SLC7A10: variants seen among roughly 807,000 people sequenced by gnomAD.
SLC7A10 encodes solute carrier family 7 member 10, also known as asc-type amino acid transporter 1.
Under a neutral mutation model 52.7 loss-of-function variants are expected in SLC7A10, and 30 were observed. The ratio of observed to expected loss-of-function variants is 0.57; its 90% confidence interval spans 0.43 to 0.77. The LOEUF is 0.77. Ranked by LOEUF, SLC7A10 falls within the 30% of genes least tolerant of loss-of-function variation. The pLI, the probability that SLC7A10 is intolerant of heterozygous loss-of-function variation, is 0.00. For synonymous variants in SLC7A10, 318 were observed against 314.9 expected, an observed-to-expected ratio of 1.01 and a Z score of -0.10; for missense variants, 581 against 698.5, an observed-to-expected ratio of 0.83 and a Z score of 1.90.
chr19:33,215,892 A>G lies in SLC7A10; in HGVS notation c.233T>C (p.Val78Ala), dbSNP rs749136747. 1 of 1,611,102 alleles carries G rather than the reference A, an allele frequency of 6.2e-7. No individual in the cohort carries two copies. The highest frequency in any genetic ancestry group is 8.5e-7 in the Non-Finnish European group (1 of 1,178,962). Residue 78 changes from valine to alanine, a missense_variant, in exon 2 of 11, where the codon GTC (valine) becomes GCC (alanine). By Grantham distance (64) the Val-to-Ala change is moderately conservative (BLOSUM62 0). Coordinates refer to ENST00000253188, the MANE Select transcript of SLC7A10 (RefSeq NM_019849.3). Reference protein sequence around the residue: ...HSGSVGLALFVWVLGGGVTAL... With the variant: ...HSGSVGLALFAWVLGGGVTAL... ...CGTCACGCCCCCACCCAGGACCCAG[A>G]CGAACAGGGCCAGACCCACGGAGCC...
chr19:33,225,567 C>T lies in SLC7A10; in HGVS notation c.137G>A (p.Cys46Tyr), dbSNP rs780308598. 6.3e-7 allele frequency: 1 copy of T among 1,596,590 alleles called. No homozygotes were observed. Residue 46 changes from cysteine (C) to tyrosine (Y), a missense_variant, in exon 1 of 11, where the codon TGC becomes TAC. Physicochemically the swap from Cys to Tyr is radical, Grantham distance 194. Coordinates refer to ENST00000253188, the MANE Select transcript of SLC7A10 (RefSeq NM_019849.3). ...LKKEIGLLSA[C>Y]TIIIGNIIGS... ...GTCCCGCTCACCGATGATGATGGTG[C>T]AGGCGCTCAGCAGCCCGATCTCCTT...
chr19:33,223,943 T>TCACCACCACCACCACCACCAC, intron 1 of SLC7A10, among the ~76,000 whole-genome samples: 1 of 147,224 alleles, frequency 6.8e-6, no homozygotes, highest in South Asian at 2.2e-4. Flanking sequence ...ACCTCTACCA[T>TCACCACCACCACCACCACCAC]CACCACCACC....
At chr19:33,218,111 A>T (rs1974728625) in intron 1 of SLC7A10, among the ~76,000 whole-genome samples, 1 of 152,046 alleles carries the variant, frequency 6.6e-6, no homozygotes, top group Non-Finnish European at 1.5e-5. Flanking sequence ...CCTTGGAAGG[A>T]GCTGAGCATG....
At chr19:33,211,352 C>G (rs1199453322) in intron 6 of SLC7A10, 24 bp from the exon 7 acceptor site, 1 of 1,613,684 alleles carries the variant, frequency 6.2e-7, no homozygotes, top group Admixed American at 1.7e-5. Context: ...GTAGAGAGGC[C>G]ATGTGTAAGG....
Position 33,209,026 on chromosome 19 carries a change from G to A in SLC7A10, c.1442-5C>T, listed in dbSNP as rs766048217. ...GGCCCCAGTGTGTCATGGACTCTGA[G>A]GACAGACAGATGGACCTTGGGGCCT... On this transcript the variant is annotated splice_polypyrimidine_tract_variant and splice_region_variant and intron_variant, in intron 10 of 10. Transcript: ENST00000253188. The A allele has an allele frequency of 6.8e-6, 11 of 1,613,614 alleles. No homozygotes were observed. The highest frequency in any genetic ancestry group is 1.7e-4 in the Middle Eastern group (1 of 5,968).
rs1304311242 is a variant in SLC7A10 at position 33,215,630 on chromosome 19, AC to A, written c.356+138del. 787 of 289,034 alleles carry A rather than the reference AC, an allele frequency of 2.7e-3. 15 individuals carry two copies. The highest frequency in any genetic ancestry group is 3.2e-3 in the Non-Finnish European group (672 of 210,494). The allele number at this position is 289,034 out of a possible 1,614,324, so 17.9% of individuals were successfully genotyped here. On this transcript the variant is annotated intron_variant, in intron 2 of 10. Transcript: ENST00000253188. ...CAGCCCCCACACCTTCTCTCCATCC[AC>A]CCCCCACACCTTCTCTCCATCCACC...
chr19:33,212,123 G>T, intron 5 of SLC7A10, 169 bp downstream of exon 5: 1 of 931,332 alleles, frequency 1.1e-6, no homozygotes. Context: ...GGCCAGGCTA[G>T]AATGCAAGCC....
At chr19:33,225,139 C>G (rs930697745) in intron 1 of SLC7A10, among the ~76,000 whole-genome samples, 1 of 152,254 alleles carries the variant, frequency 6.6e-6, no homozygotes, top group Non-Finnish European at 1.5e-5. Flanking sequence ...CAGACTGACC[C>G]ACAGTACAGA....
intron 2 of SLC7A10, 61 bp downstream of exon 2, chr19:33,215,708 C>G: frequency 6.6e-7 from 1 of 1,512,318 alleles, no homozygotes; most frequent in Non-Finnish European, 8.9e-7. Flanking sequence ...GATGCCAGGG[C>G]TCATTTGGCC....
rs35390810 is a variant in SLC7A10 at position 33,215,778 on chromosome 19, C to A, written c.347G>T (p.Gly116Val). 2 of 1,556,042 alleles carry A rather than the reference C, an allele frequency of 1.3e-6. No homozygotes were observed. Among genetic ancestry groups the A allele is most frequent in the Admixed American group, 1.9e-5 (1 of 51,590 alleles). The change falls in exon 2 of 11, where the codon GGC becomes GTC. Residue 116 changes from glycine (G) to valine (V), a missense_variant. Coordinates refer to ENST00000253188, the MANE Select transcript of SLC7A10 (RefSeq NM_019849.3). ...DYAYVTEIFGGLAGFLLLWSA... is the reference protein window; with the variant it reads ...DYAYVTEIFGVLAGFLLLWSA... ...GGTGCCCCACACTCACCCAGCCAGG[C>A]CCCCGAAGATCTCTGTGACGTAGGC...
rs1235028683 is a variant in SLC7A10 at position 33,209,465 on chromosome 19, C to A, written c.1284G>T (p.Val428=). The A allele has an allele frequency of 6.2e-7, 1 of 1,613,822 alleles. No individual in the cohort carries two copies. The highest frequency in any genetic ancestry group is 1.7e-5 in the Admixed American group (1 of 60,004). ...RPIKVNLLIP[V]AYLVFWAFLL... ...GGAAGGCCCAGAAGACCAAGTACGC[C>A]ACGGGGATGAGAAGGTTCACCTGGG... Residue 428 remains valine, a synonymous_variant, in exon 10 of 11, where the codon GTG becomes GTT. Coordinates refer to ENST00000253188, the MANE Select transcript of SLC7A10 (RefSeq NM_019849.3).
At chr19:33,214,549 A>G (rs12609177) in intron 2 of SLC7A10, among the ~76,000 whole-genome samples, 53,975 of 151,988 alleles carry the variant, frequency 0.36, 10,646 homozygotes, top group South Asian at 0.57. Flanking sequence ...AAGCCCCGGC[A>G]CCTGCCGTAA....
In SLC7A10 at chr19:33,225,678, C is replaced by T. The variant is rs779075044; in HGVS notation, c.26G>A (p.Ser9Asn). Residue 9 changes from serine (S) to asparagine (N), a missense_variant, in exon 1 of 11, where the codon AGC becomes AAC. Coordinates refer to ENST00000253188, the MANE Select transcript of SLC7A10 (RefSeq NM_019849.3). The part of the protein sequence containing the change: MAGHTQQP[S>N]GRGNPRPAPS... ...CGCAGGCCTGGGGTTCCCGCGCCCG[C>T]TCGGCTGCTGCGTGTGGCCGGCCAT... 49 of 1,553,730 alleles carry T rather than the reference C, an allele frequency of 3.2e-5. No homozygotes were observed. Among genetic ancestry groups the T allele is most frequent in the Middle Eastern group, 2.2e-4 (1 of 4,548 alleles).
At chr19:33,221,832 A>AG (rs1224175775) in intron 1 of SLC7A10, among the ~76,000 whole-genome samples, 10 of 152,144 alleles carry the variant, frequency 6.6e-5, no homozygotes, top group African/African-American at 1.2e-4. Context: ...CAGCAGACCC[A>AG]GGGGGGACTC....
chr19:33,223,285 G>A (rs1244759621), intron 1 of SLC7A10, among the ~76,000 whole-genome samples: 3 of 139,686 alleles, frequency 2.1e-5, no homozygotes, highest in African/African-American at 5.3e-5. Flanking sequence ...TCCAGCCTAG[G>A]GGACACAGCC....
At position 33,215,931 on chromosome 19, in the gene SLC7A10, A is replaced by C. The variant is rs1048908223; in HGVS notation, c.194T>G (p.Val65Gly). The C allele has an allele frequency of 6.2e-7, 1 of 1,600,714 alleles. No individual in the cohort carries two copies. Residue 65 changes from valine to glycine, a missense_variant, in exon 2 of 11, where the codon GTC becomes GGC. Physicochemically the swap from Val to Gly is moderately radical, Grantham distance 109. Transcript: ENST00000253188. ...ACCCACGGAGCCTGAGTGCTCCAGG[A>C]CCCCCTTGGGCGAGATGAAGATGCC... Reference protein sequence around the residue: ...GSGIFISPKGVLEHSGSVGLA... With the variant: ...GSGIFISPKGGLEHSGSVGLA...
chr19:33,211,472 A>AT lies in SLC7A10; in HGVS notation c.853dup (p.Ile285AsnfsTer244). 6.2e-7 allele frequency: 1 copy of AT among 1,614,060 alleles called. No individual in the cohort carries two copies. Among genetic ancestry groups the AT allele is most frequent in the Non-Finnish European group, 8.5e-7 (1 of 1,180,012 alleles). On this transcript the variant is annotated frameshift_variant, in exon 6 of 11. Transcript: ENST00000253188. LOFTEE classifies it high-confidence loss of function. ...GGGGGACATGGCCGTGAAGTAGGCAATGTTGGTGAACGTGTACACGAAGGT... is the reference window on the plus strand; with the variant it reads ...GGGGGACATGGCCGTGAAGTAGGCAATTGTTGGTGAACGTGTACACGAAGGT...
chr19:33,214,153 G>A (rs911603342), intron 2 of SLC7A10, among the ~76,000 whole-genome samples: 4 of 152,142 alleles, frequency 2.6e-5, no homozygotes, highest in African/African-American at 9.7e-5. Context: ...CCCGAAGCAT[G>A]ATTATTCTGC....
intron 1 of SLC7A10, among the ~76,000 whole-genome samples, chr19:33,222,423 TATAAAATAAAATAAAATAAAATAA>T (rs1444840149): frequency 9.3e-6 from 1 of 107,114 alleles, no homozygotes; most frequent in African/African-American, 3.8e-5. Context: ...TAAAATAAAA[TATAAAATAAAATAAAATAAAATAA>T]ATAAAATAAA....
Sources: gnomAD v4.1 joint callset for allele counts (sites outside exome capture counted in the v4.1 genomes callset) on GRCh38, gnomAD v4.1.1 for gene constraint, MANE v1.5 for transcripts, NCBI Gene and HGNC (gene_info 2026-07-23, HGNC 2026-07-21) for gene names.